The following ACACA variants were observed in gnomAD, a reference collection of about 807,000 sequenced individuals.
ACACA encodes acetyl-CoA carboxylase alpha.
In ACACA, 103 loss-of-function variants were observed where a neutral mutation model predicts 296.1. The ratio of observed to expected loss-of-function variants is 0.35; its 90% CI spans 0.30 to 0.41. The LOEUF is 0.41. ACACA is among the 10% of genes least tolerant of loss of function. ACACA has a pLI of 1.00. For synonymous variants in ACACA, 953 were observed against 1,038.6 expected (o/e 0.92, Z 1.58); for missense variants, 1,554 against 2,989.7 (o/e 0.52, Z 11.20).
chr17:37,391,630 T>C (rs1424711915), intron 1 of ACACA: 2 of 1,611,050 alleles, frequency 1.2e-6, no homozygotes, highest in South Asian at 2.2e-5. Flanking sequence ...ACTTTCATAT[T>C]TCCTTTCAAT....
At chr17:37,322,621 A>G (rs375252040) in intron 3 of ACACA, among the ~76,000 whole-genome samples, 40 of 152,176 alleles carry the variant, frequency 2.6e-4, no homozygotes, top group Admixed American at 4.6e-4. Flanking sequence ...CCTGTGCCCA[A>G]ATAAACCCGA....
At chr17:37,356,615 TG>T (rs1325269327) in intron 1 of ACACA, among the ~76,000 whole-genome samples, 1 of 151,960 alleles carries the variant, frequency 6.6e-6, no homozygotes, top group Non-Finnish European at 1.5e-5. Context: ...CCAGACCTTG[TG>T]ATTCGCCAGC....
chr17:37,400,740 C>CTGTGTG (rs71135716), intron 1 of ACACA, among the ~76,000 whole-genome samples: 1,777 of 147,550 alleles, frequency 0.012, 21 homozygotes, highest in African/African-American at 0.024. Flanking sequence ...GTGTGTGTGT[C>CTGTGTG]TGTGTGTGTG....
At chr17:37,276,327 T>C (rs2146481603) in intron 7 of ACACA, among the ~76,000 whole-genome samples, 1 of 152,356 alleles carries the variant, frequency 6.6e-6, no homozygotes, top group South Asian at 2.1e-4. Context: ...TATAATGTTA[T>C]CATTCTTCAT....
At chr17:37,252,323 T>C (rs943542038) in intron 15 of ACACA, among the ~76,000 whole-genome samples, 3 of 152,220 alleles carry the variant, frequency 2.0e-5, no homozygotes, top group Admixed American at 1.3e-4. Context: ...ACAACTTTCT[T>C]CTTTTCTCCC....
At chr17:37,360,934 A>G (rs2049380638) in intron 1 of ACACA, among the ~76,000 whole-genome samples, 1 of 152,090 alleles carries the variant, frequency 6.6e-6, no homozygotes, top group Non-Finnish European at 1.5e-5. Flanking sequence ...TGAAGCTGAC[A>G]TGAAGGGAGT....
At chr17:37,098,268 T>A (rs2073111693) in intron 52 of ACACA, among the ~76,000 whole-genome samples, 1 of 152,156 alleles carries the variant, frequency 6.6e-6, no homozygotes, top group African/African-American at 2.4e-5. Flanking sequence ...CCTGAGAAGG[T>A]GCAAGTAGCG....
chr17:37,125,454 CA>C (rs1400095759), intron 48 of ACACA, among the ~76,000 whole-genome samples: 1 of 152,028 alleles, frequency 6.6e-6, no homozygotes. Flanking sequence ...TTTCCTGAAA[CA>C]TTATAAAAAG....
intron 1 of ACACA, among the ~76,000 whole-genome samples, chr17:37,373,193 T>G (rs568016040): frequency 6.6e-6 from 1 of 152,054 alleles, no homozygotes; most frequent in South Asian, 2.1e-4. Flanking sequence ...CCTGGATATT[T>G]TGACTGCAGC....
At chr17:37,288,142 C>T (rs1345796137) in intron 3 of ACACA, among the ~76,000 whole-genome samples, 1 of 152,154 alleles carries the variant, frequency 6.6e-6, no homozygotes, top group Admixed American at 6.5e-5. Context: ...TGATAATAAA[C>T]ACCAGAGGTC....
At chr17:37,109,360 T>G (rs1018885075) in intron 52 of ACACA, among the ~76,000 whole-genome samples, 9 of 152,248 alleles carry the variant, frequency 5.9e-5, no homozygotes, top group African/African-American at 2.2e-4. Flanking sequence ...AGTAAATGCA[T>G]GCTCATCTGC....
intron 1 of ACACA, among the ~76,000 whole-genome samples, chr17:37,372,724 T>C (rs1301705440): frequency 1.3e-5 from 2 of 152,116 alleles, no homozygotes; most frequent in Non-Finnish European, 2.9e-5. Flanking sequence ...CCTGCTAAAT[T>C]TGATGTTTTT....
chr17:37,318,227 T>C (rs764488011), intron 3 of ACACA, among the ~76,000 whole-genome samples: 60 of 152,304 alleles, frequency 3.9e-4, no homozygotes, highest in Non-Finnish European at 8.1e-4. Flanking sequence ...TAAAATTTCC[T>C]GCACTTTCTT....
rs1305405488 is a variant in ACACA, at chr17:37,206,997, G to A, written c.3852-118C>T. 5.2e-6 allele frequency: 5 copies of A among 968,944 alleles called. 1 individual carries two copies. The South Asian group carries it at 6.9e-5, about 13-fold the overall frequency. The allele number at this position is 968,944 out of a possible 1,614,324, so 60.0% of individuals were successfully genotyped here. A position where few individuals can be genotyped will look rare whatever the true frequency, so the allele number is the denominator to read the frequency against. On this transcript the variant is annotated intron_variant, in intron 31 of 55. Transcript: ENST00000616317. Reference sequence around the variant, plus strand: ...CTTAGCCTGGGCTCAATAGTTAATTGAATAGAATCACCAGTGGCTAGAGGT... The same window carrying A: ...CTTAGCCTGGGCTCAATAGTTAATTAAATAGAATCACCAGTGGCTAGAGGT...
At chr17:37,241,066 G>A (rs2080372376) in intron 23 of ACACA, among the ~76,000 whole-genome samples, 1 of 152,064 alleles carries the variant, frequency 6.6e-6, no homozygotes. Context: ...ATGGTAGCAT[G>A]TGACTGTAGT....
intron 50 of ACACA, among the ~76,000 whole-genome samples, chr17:37,116,487 C>CCCAAGCCAAGTGAGATCCAAGT (rs2074259475): frequency 6.6e-6 from 1 of 152,158 alleles, no homozygotes; most frequent in African/African-American, 2.4e-5. Context: ...CTGTGTGAGG[C>CCCAAGCCAAGTGAGATCCAAGT]TTGGATCTGA....
chr17:37,245,111 A>G lies in ACACA; in HGVS notation c.2564T>C (p.Met855Thr). ...ALDPGCVLAK[M>T]QLDNPSKVQQ... is the part of the protein sequence containing the mutation. The stretch of plus-strand genomic sequence containing the variant: ...AACCTTGCTGGGGTTGTCCAGTTGC[A>G]TTTTGGCTAGTACACAGCCAGGGTC... The change falls in exon 20 of 56, where the codon ATG becomes ACG. Residue 855 changes from methionine (M) to threonine (T), a missense_variant. Transcript: ENST00000616317. 1.9e-6 allele frequency: 3 copies of G among 1,614,214 alleles called. No individual in the cohort carries two copies. The highest frequency in any genetic ancestry group is 2.5e-6 in the Non-Finnish European group (3 of 1,180,032).
chr17:37,251,189 A>G (rs1046523992), intron 16 of ACACA, among the ~76,000 whole-genome samples: 18 of 152,332 alleles, frequency 1.2e-4, no homozygotes, highest in African/African-American at 4.3e-4. Flanking sequence ...ACAGAAATAA[A>G]TAAGACTGGA....
intron 1 of ACACA, among the ~76,000 whole-genome samples, chr17:37,402,724 G>C (rs982032063): frequency 1.3e-5 from 2 of 151,896 alleles, no homozygotes; most frequent in Non-Finnish European, 2.9e-5. Flanking sequence ...CCAGGCTGGA[G>C]TACAGCGGCA....
Sources: gnomAD v4.1 joint callset for allele counts (sites outside exome capture counted in the v4.1 genomes callset) on GRCh38, gnomAD v4.1.1 for gene constraint, MANE v1.5 for transcripts, NCBI Gene and HGNC (gene_info 2026-07-23, HGNC 2026-07-21) for gene names.